Variants in BTBD8 observed in about 807,000 individuals in gnomAD.
BTBD8 encodes the protein BTB domain containing 8, also known as BTB/POZ domain-containing protein 8.
Under a neutral mutation model 162.9 loss-of-function variants are expected in BTBD8, and 110 were observed. The observed-to-expected ratio is 0.68, with a 90% CI of 0.58 to 0.79. The LOEUF is 0.79. Among genes scored for constraint, BTBD8 ranks in the 30% least tolerant of loss-of-function variants. The probability of loss-of-function intolerance (pLI) is 0.00; values close to 1 mark genes in which losing one functional copy is unlikely to be tolerated. For synonymous variants in BTBD8, 667 were observed against 716.1 expected (o/e 0.93, Z 1.10); for missense variants, 1,905 against 2,085.4 (o/e 0.91, Z 1.68).
intron 13 of BTBD8, among the ~76,000 whole-genome samples, chr1:92,175,038 G>A (rs1487006712): frequency 4.6e-5 from 7 of 152,058 alleles, no homozygotes; most frequent in South Asian, 2.1e-4. Flanking sequence ...CATTGATTAC[G>A]TTTTTTGTTT....
At chr1:92,081,300 C>G (rs894537714) in intron 1 of BTBD8, among the ~76,000 whole-genome samples, 1 of 152,158 alleles carries the variant, frequency 6.6e-6, no homozygotes, top group Non-Finnish European at 1.5e-5. Context: ...GAGGGTCTTC[C>G]TGACATTTAA....
chr1:92,163,053 G>A (rs1468837906), intron 9 of BTBD8, among the ~76,000 whole-genome samples: 1 of 151,964 alleles, frequency 6.6e-6, no homozygotes, highest in African/African-American at 2.4e-5. Flanking sequence ...TGTGTGCTAA[G>A]TGTAAAAGGC....
Position 92,080,812 on chromosome 1 carries a change from C to A in BTBD8, c.149+92C>A, listed in dbSNP as rs1002897728. 15 of 1,517,052 alleles carry A rather than the reference C, an allele frequency of 9.9e-6. No homozygotes were observed. The East Asian group carries it at 3.7e-4, about 38-fold the overall frequency. 94.0% of individuals were successfully genotyped at this position (1,517,052 alleles called of 1,614,324 possible). ...GCTTCTTTCGGCTCTGCCTCCCCCT[C>A]CCTCAGCACTTGGTTCTCCTCGCCT... On this transcript the variant is annotated intron_variant, in intron 1 of 17. Coordinates refer to ENST00000636805, the MANE Select transcript of BTBD8 (RefSeq NM_001376131.1).
chr1:92,117,018 T>A (rs1159615518), intron 4 of BTBD8, among the ~76,000 whole-genome samples: 2 of 151,888 alleles, frequency 1.3e-5, no homozygotes, highest in Non-Finnish European at 2.9e-5. Context: ...TCAGCTAATT[T>A]AAAAAATTTT....
chr1:92,156,784 C>T (rs1040400395), intron 9 of BTBD8, among the ~76,000 whole-genome samples: 66 of 151,650 alleles, frequency 4.4e-4, no homozygotes, highest in African/African-American at 1.5e-3. Context: ...ATTGTAATGC[C>T]TCCTCTTTCA....
chr1:92,147,090 G>T, intron 7 of BTBD8, 90 bp from the exon 8 acceptor site: 1 of 859,196 alleles, frequency 1.2e-6, no homozygotes, highest in Non-Finnish European at 1.8e-6. Flanking sequence ...TGCAGTTTAG[G>T]TATATAAATT....
At chr1:92,123,929 T>C (rs2101923323) in intron 4 of BTBD8, among the ~76,000 whole-genome samples, 1 of 152,198 alleles carries the variant, frequency 6.6e-6, no homozygotes, top group South Asian at 2.1e-4. Flanking sequence ...AATTCAAAAC[T>C]GGCTTTCAAG....
At chr1:92,117,289 C>T (rs1320110242) in intron 4 of BTBD8, among the ~76,000 whole-genome samples, 1 of 151,798 alleles carries the variant, frequency 6.6e-6, no homozygotes, top group Non-Finnish European at 1.5e-5. Flanking sequence ...AAATGCCAGA[C>T]ATTATAAATA....
chr1:92,146,534 A>G (rs1002942124), intron 7 of BTBD8, among the ~76,000 whole-genome samples: 12 of 152,344 alleles, frequency 7.9e-5, no homozygotes, highest in Non-Finnish European at 1.5e-4. Context: ...ACACATGTAT[A>G]ATGACATGTA....
At chr1:92,112,565 G>C (rs1307446475) in intron 4 of BTBD8, among the ~76,000 whole-genome samples, 1 of 152,058 alleles carries the variant, frequency 6.6e-6, no homozygotes, top group African/African-American at 2.4e-5. Context: ...TAAAATTATA[G>C]TATACAAAAA....
intron 14 of BTBD8, 39 bp from the exon 15 acceptor site, chr1:92,177,772 T>C: frequency 8.7e-7 from 1 of 1,153,370 alleles, no homozygotes; most frequent in Non-Finnish European, 1.3e-6. Context: ...ACATATTTAA[T>C]GTATTCTCTC....
chr1:92,183,744 T>A (rs931211298), intron 17 of BTBD8, 120 bp from the exon 18 acceptor site: 1 of 564,286 alleles, frequency 1.8e-6, no homozygotes, highest in Non-Finnish European at 2.8e-6. Context: ...AAGTTATTTT[T>A]CCCATTCTGT....
Position 92,181,738 on chromosome 1 carries a change from G to C in BTBD8, c.4055G>C (p.Arg1352Pro). ...AGGAAAAGGCCAGAAATTTGGTCTC[G>C]ATCTGCAATAGTTCACTCTAGGGAA... ...IPRKRPEIWS[R>P]SAIVHSRERE... Residue 1352 changes from arginine to proline, a missense_variant, in exon 17 of 18, where the codon CGA becomes CCA. Physicochemically the swap from Arg to Pro is moderately radical, Grantham distance 103. This residue lies in a region of BTBD8 where 517 missense variants were observed against 606.6 expected (regional missense o/e 0.85). Coordinates refer to ENST00000636805, the MANE Select transcript of BTBD8 (RefSeq NM_001376131.1). 6.4e-7 allele frequency: 1 copy of C among 1,551,448 alleles called. No homozygotes were observed. The highest frequency in any genetic ancestry group is 1.4e-5 in the African/African-American group (1 of 73,134).
intron 11 of BTBD8, 139 bp from the exon 12 acceptor site, chr1:92,168,727 C>A: frequency 1.3e-6 from 1 of 755,228 alleles, no homozygotes; most frequent in Non-Finnish European, 1.9e-6. Context: ...TCATAAATAA[C>A]ATGTACCCAA....
At chr1:92,142,355 A>G (rs1392654991) in intron 7 of BTBD8, among the ~76,000 whole-genome samples, 8 of 152,220 alleles carry the variant, frequency 5.3e-5, no homozygotes, top group Admixed American at 2.6e-4. Flanking sequence ...TGAGGAGATG[A>G]TGTCTTCTCA....
Position 92,141,200 on chromosome 1 carries a change from TTC to T in BTBD8, c.921_922del (p.Phe308SerfsTer29). ...IYILRRDYCN[F>X]FQKPVPRTLT... Reference sequence around the variant, plus strand: ...TATTTTAAGAAGAGATTACTGTAATTTCTTTCAGAAGGTAATTATTGAGCCTC... The same window carrying T: ...TATTTTAAGAAGAGATTACTGTAATTTTTCAGAAGGTAATTATTGAGCCTC... On this transcript the variant is annotated frameshift_variant, in exon 7 of 18. Transcript: ENST00000636805. LOFTEE classifies it high-confidence loss of function. The T allele has an allele frequency of 6.3e-7, 1 of 1,582,418 alleles. No homozygotes were observed. Among genetic ancestry groups the T allele is most frequent in the Non-Finnish European group, 8.6e-7 (1 of 1,161,454 alleles).
At chr1:92,091,621 G>A (rs975736276) in intron 2 of BTBD8, among the ~76,000 whole-genome samples, 3 of 151,666 alleles carry the variant, frequency 2.0e-5, no homozygotes, top group South Asian at 2.1e-4. Context: ...TGCAAGCTCC[G>A]CCTCCCGGTC....
At chr1:92,080,777 C>T (rs893059476) in intron 1 of BTBD8, 57 bp downstream of exon 1, 4 of 1,557,622 alleles carry the variant, frequency 2.6e-6, no homozygotes, top group East Asian at 2.3e-5. Context: ...ACCTCCGCCC[C>T]GAAGCTGAGG....
chr1:92,182,677 A>G lies in BTBD8; in HGVS notation c.4912+82A>G, dbSNP rs979434188. On this transcript the variant is annotated intron_variant, in intron 17 of 17. Coordinates refer to ENST00000636805, the MANE Select transcript of BTBD8 (RefSeq NM_001376131.1). ...AAAGTTGTATGAAGCCCTGAATGTTATATTTTAGTCAGATAGAATAATTAC... is the reference window on the plus strand; with the variant it reads ...AAAGTTGTATGAAGCCCTGAATGTTGTATTTTAGTCAGATAGAATAATTAC... 113 of 816,724 alleles carry G rather than the reference A, an allele frequency of 1.4e-4. No homozygotes were observed. The African/African-American group carries it at 1.9e-3, about 14-fold the overall frequency. 50.6% of individuals were successfully genotyped at this position (816,724 alleles called of 1,614,324 possible).
Sources: allele counts gnomAD v4.1 joint callset (sites outside exome capture counted in the v4.1 genomes callset), GRCh38; gene constraint gnomAD v4.1.1; regional missense constraint gnomAD v4.1.1; transcripts MANE v1.5; gene names NCBI Gene and HGNC (gene_info 2026-07-23, HGNC 2026-07-21).